Variants in ITPR1 observed in about 807,000 individuals in gnomAD.
ITPR1 encodes the protein inositol 1,4,5-trisphosphate-gated calcium channel ITPR1.
In ITPR1, 96 loss-of-function variants were observed where a neutral mutation model predicts 318.4. The ratio of observed to expected loss-of-function variants is 0.30; its 90% confidence interval spans 0.26 to 0.36. The LOEUF is 0.36. ITPR1 is among the 10% of genes least tolerant of loss of function. The pLI, the probability that ITPR1 is intolerant of heterozygous loss-of-function variation, is 1.00. For synonymous variants in ITPR1, 1,312 were observed against 1,289.9 expected, an observed-to-expected ratio of 1.02 and a Z score of -0.37; for missense variants, 2,440 against 3,460.2, an observed-to-expected ratio of 0.71 and a Z score of 7.40.
chr3:4,681,008 CTTCTTG>C (rs2094287120), intron 25 of ITPR1, among the ~76,000 whole-genome samples: 3 of 152,148 alleles, frequency 2.0e-5, no homozygotes, highest in Non-Finnish European at 4.4e-5. Context: ...CTCCAGGAGA[CTTCTTG>C]ACCACTAGCA....
chr3:4,842,233 T>A (rs2051401863), intron 61 of ITPR1, among the ~76,000 whole-genome samples: 1 of 152,260 alleles, frequency 6.6e-6, no homozygotes, highest in Non-Finnish European at 1.5e-5. Context: ...ATTCTTTGCT[T>A]CTTGTTTAGA....
At chr3:4,589,673 C>G (rs1472517427) in intron 4 of ITPR1, among the ~76,000 whole-genome samples, 1 of 152,062 alleles carries the variant, frequency 6.6e-6, no homozygotes, top group Non-Finnish European at 1.5e-5. Context: ...CATCCTGTGC[C>G]TGCTTTAACC....
At chr3:4,530,904 C>T (rs2083364243) in intron 4 of ITPR1, among the ~76,000 whole-genome samples, 2 of 152,224 alleles carry the variant, frequency 1.3e-5, no homozygotes, top group South Asian at 2.1e-4. Context: ...GATCTTTTTT[C>T]TCTCTTTCAT....
At chr3:4,807,575 A>G (rs890593633) in intron 55 of ITPR1, among the ~76,000 whole-genome samples, 6 of 152,150 alleles carry the variant, frequency 3.9e-5, no homozygotes, top group African/African-American at 1.2e-4. Context: ...TTGTCATTCT[A>G]TATTCCTTCC....
intron 4 of ITPR1, among the ~76,000 whole-genome samples, chr3:4,574,110 A>AC (rs1487746534): frequency 3.9e-5 from 6 of 152,116 alleles, no homozygotes; most frequent in Non-Finnish European, 5.9e-5. Context: ...TAATCTGTCT[A>AC]CCATTTCTAG....
Position 4,673,478 on chromosome 3 carries a change from G to A in ITPR1, c.2456+91G>A, listed in dbSNP as rs181627211. Reference sequence around the variant, plus strand: ...TCTCATTAAATCTTAGAAGAAAGATGAAGTGTTGGTTTTTTCTTCAAGCTT... The same window carrying A: ...TCTCATTAAATCTTAGAAGAAAGATAAAGTGTTGGTTTTTTCTTCAAGCTT... On this transcript the variant is annotated intron_variant, in intron 21 of 61. Transcript: ENST00000649015. 3.5e-4 allele frequency: 452 copies of A among 1,274,712 alleles called. 1 individual carries two copies. In the African/African-American group the frequency reaches 5.7e-3, roughly 16 times the overall value. 79.0% of individuals were successfully genotyped at this position (1,274,712 alleles called of 1,614,324 possible).
chr3:4,625,177 A>T (rs913952012), intron 4 of ITPR1, among the ~76,000 whole-genome samples: 2 of 151,818 alleles, frequency 1.3e-5, no homozygotes, highest in African/African-American at 4.8e-5. Context: ...GATGAAGGAG[A>T]TTACAGAAAC....
intron 44 of ITPR1, 158 bp downstream of exon 44, chr3:4,735,512 C>G (rs2043208023): frequency 3.3e-6 from 2 of 610,754 alleles, no homozygotes; most frequent in African/African-American, 1.8e-5. Flanking sequence ...CTGCTAGTAT[C>G]CTGCTGTGAT....
chr3:4,616,992 C>T (rs2125109438), intron 4 of ITPR1, among the ~76,000 whole-genome samples: 1 of 151,996 alleles, frequency 6.6e-6, no homozygotes, highest in South Asian at 2.1e-4. Flanking sequence ...CCTACAGCGT[C>T]CTTCTGCTTG....
chr3:4,815,427 T>C (rs1283413011), intron 59 of ITPR1, among the ~76,000 whole-genome samples: 1 of 152,188 alleles, frequency 6.6e-6, no homozygotes, highest in African/African-American at 2.4e-5. Flanking sequence ...CAGACCTGGG[T>C]TCTGACTGAG....
At chr3:4,807,834 C>A (rs1351105885) in intron 55 of ITPR1, among the ~76,000 whole-genome samples, 3 of 152,212 alleles carry the variant, frequency 2.0e-5, no homozygotes, top group Admixed American at 6.5e-5. Flanking sequence ...AACTTTTTGT[C>A]TCATGCCATC....
intron 26 of ITPR1, among the ~76,000 whole-genome samples, chr3:4,682,057 T>G: frequency 6.6e-6 from 1 of 152,246 alleles, no homozygotes; most frequent in Non-Finnish European, 1.5e-5. Context: ...TATTGCTTTA[T>G]AACATATTAC....
At chr3:4,785,320 C>T (rs750313110) in intron 51 of ITPR1, among the ~76,000 whole-genome samples, 4 of 152,218 alleles carry the variant, frequency 2.6e-5, no homozygotes, top group Admixed American at 1.3e-4. Flanking sequence ...CAAGAGAACA[C>T]AGACTTCTCT....
At chr3:4,786,857 C>G (rs556391643) in intron 51 of ITPR1, among the ~76,000 whole-genome samples, 1 of 152,228 alleles carries the variant, frequency 6.6e-6, no homozygotes, top group East Asian at 1.9e-4. Flanking sequence ...GATCCTTTGA[C>G]AAGGTAGGAG....
At chr3:4,816,422 T>C (rs1169385316) in intron 59 of ITPR1, 1 of 152,208 alleles carries the variant, frequency 6.6e-6, no homozygotes, top group East Asian at 1.9e-4. Flanking sequence ...TCAGGAGGCA[T>C]GTAATGCCAG....
intron 32 of ITPR1, among the ~76,000 whole-genome samples, chr3:4,692,564 A>G (rs1226292670): frequency 6.6e-6 from 1 of 152,190 alleles, no homozygotes; most frequent in African/African-American, 2.4e-5. Flanking sequence ...GTCATTAGTA[A>G]GTATTGACCA....
chr3:4,609,409 G>T (rs919376495), intron 4 of ITPR1, among the ~76,000 whole-genome samples: 2 of 151,986 alleles, frequency 1.3e-5, no homozygotes, highest in Non-Finnish European at 2.9e-5. Flanking sequence ...TTTATTTAGG[G>T]TATATACACG....
intron 4 of ITPR1, among the ~76,000 whole-genome samples, chr3:4,583,561 A>T (rs946634506): frequency 9.2e-5 from 14 of 152,190 alleles, no homozygotes; most frequent in African/African-American, 3.4e-4. Flanking sequence ...AGTGGAATTG[A>T]GATACTCACA....
intron 6 of ITPR1, among the ~76,000 whole-genome samples, chr3:4,641,393 G>T (rs11717002): frequency 0.79 from 119,818 of 152,112 alleles, 48,523 homozygotes; most frequent in East Asian, 1. Context: ...TTAATTTTTT[G>T]AGAGACAGCG....
Sources: allele counts gnomAD v4.1 joint callset (sites outside exome capture counted in the v4.1 genomes callset), GRCh38; gene constraint gnomAD v4.1.1; transcripts MANE v1.5; gene names NCBI Gene and HGNC (gene_info 2026-07-23, HGNC 2026-07-21).